Variants in GUCY1A2 observed in about 807,000 individuals in gnomAD.
GUCY1A2 encodes the protein guanylate cyclase soluble subunit alpha-2.
Under a neutral mutation model 63.5 loss-of-function variants are expected in GUCY1A2, and 27 were observed. The observed-to-expected ratio is 0.43, with a 90% CI of 0.31 to 0.59. GUCY1A2 has a LOEUF of 0.59. Ranked by LOEUF, GUCY1A2 falls within the 20% of genes least tolerant of loss-of-function variation. The pLI is 0.11. For synonymous variants in GUCY1A2, 364 were observed against 343.5 expected (o/e 1.06, Z -0.66); for missense variants, 768 against 913.3 (o/e 0.84, Z 2.05).
intron 4 of GUCY1A2, chr11:106,824,711 C>T (rs2135432472): frequency 1.7e-6 from 2 of 1,204,404 alleles, no homozygotes; most frequent in African/African-American, 1.5e-5. Flanking sequence ...CCAACTGATA[C>T]AGAAAGAATA....
chr11:106,823,617 G>A (rs926738075), intron 4 of GUCY1A2, among the ~76,000 whole-genome samples: 3 of 152,020 alleles, frequency 2.0e-5, no homozygotes, highest in Non-Finnish European at 4.4e-5. Context: ...GTCAAACAGT[G>A]GTTCTATTTT....
chr11:106,752,144 T>C (rs1231492722), intron 6 of GUCY1A2, among the ~76,000 whole-genome samples: 1 of 152,178 alleles, frequency 6.6e-6, no homozygotes, highest in African/African-American at 2.4e-5. Context: ...ATAGTGAGTG[T>C]TGGAGATGAC....
At chr11:106,996,330 A>C (rs1233194403) in intron 1 of GUCY1A2, among the ~76,000 whole-genome samples, 1 of 152,206 alleles carries the variant, frequency 6.6e-6, no homozygotes, top group Admixed American at 6.5e-5. Flanking sequence ...ACAGTGAGAA[A>C]GATTATCCCT....
intron 4 of GUCY1A2, among the ~76,000 whole-genome samples, chr11:106,843,646 C>T (rs1487894): frequency 0.91 from 138,204 of 151,896 alleles, 62,962 homozygotes; most frequent in East Asian, 1. Context: ...TCTTCAAACA[C>T]TTGGAAATTA....
chr11:106,695,143 C>T (rs1384406539), intron 7 of GUCY1A2, among the ~76,000 whole-genome samples: 2 of 152,140 alleles, frequency 1.3e-5, no homozygotes, highest in Non-Finnish European at 2.9e-5. Context: ...CAGGCATACA[C>T]TTACCACCTT....
intron 6 of GUCY1A2, among the ~76,000 whole-genome samples, chr11:106,741,278 T>C (rs183904931): frequency 1.1e-3 from 173 of 152,376 alleles, no homozygotes; most frequent in African/African-American, 4.0e-3. Flanking sequence ...GTCTGGTATG[T>C]AGTTTTTATT....
chr11:106,727,171 C>T lies in GUCY1A2; in HGVS notation c.1837-18505G>A, dbSNP rs1013864310. On this transcript the variant is annotated intron_variant, in intron 6 of 7. Transcript: ENST00000526355. Reference sequence around the variant, plus strand: ...GGAAAAAAGGAGTCCTTGATATCAACGCAAATCTGTTAGGACAGGAGCCAT... The same window carrying T: ...GGAAAAAAGGAGTCCTTGATATCAATGCAAATCTGTTAGGACAGGAGCCAT... 5.3e-5 allele frequency among the ~76,000 whole-genome samples: 8 copies of T among 152,224 alleles called. No homozygotes were observed. In the South Asian group the frequency reaches 6.2e-4, roughly 12 times the overall value.
At chr11:106,957,678 A>AT (rs1565343549) in intron 3 of GUCY1A2, among the ~76,000 whole-genome samples, 2 of 150,180 alleles carry the variant, frequency 1.3e-5, no homozygotes, top group Non-Finnish European at 3.0e-5. Context: ...ACATGCTTAG[A>AT]TTTTTTTTCC....
intron 4 of GUCY1A2, among the ~76,000 whole-genome samples, chr11:106,916,749 C>G (rs1211389601): frequency 2.8e-5 from 4 of 145,256 alleles, no homozygotes; most frequent in Non-Finnish European, 6.2e-5. Flanking sequence ...TTGGTTCAGT[C>G]CAGATATATC....
intron 7 of GUCY1A2, among the ~76,000 whole-genome samples, chr11:106,697,389 G>A (rs1365029026): frequency 6.6e-6 from 1 of 152,110 alleles, no homozygotes; most frequent in Non-Finnish European, 1.5e-5. Flanking sequence ...AGTTAAGACT[G>A]GTTTCAATTC....
intron 4 of GUCY1A2, among the ~76,000 whole-genome samples, chr11:106,872,489 A>G (rs1859693164): frequency 6.6e-6 from 1 of 152,180 alleles, no homozygotes; most frequent in Non-Finnish European, 1.5e-5. Context: ...TGGAACTTTA[A>G]TTCTGAAGAC....
chr11:106,945,736 G>A (rs575124020), intron 3 of GUCY1A2, among the ~76,000 whole-genome samples: 5 of 152,254 alleles, frequency 3.3e-5, no homozygotes, highest in South Asian at 4.1e-4. Context: ...AGGCCGAGGC[G>A]GGCAGATCAC....
At chr11:106,689,759 C>A (rs1200695000) in intron 7 of GUCY1A2, among the ~76,000 whole-genome samples, 1 of 151,854 alleles carries the variant, frequency 6.6e-6, no homozygotes, top group Non-Finnish European at 1.5e-5. Context: ...GGGAGGCTCA[C>A]AAGGTGGGCA....
At chr11:106,928,205 G>A (rs1398312121) in intron 4 of GUCY1A2, among the ~76,000 whole-genome samples, 1 of 152,132 alleles carries the variant, frequency 6.6e-6, no homozygotes, top group African/African-American at 2.4e-5. Context: ...TTCTACAGTG[G>A]ATGGAAGGAT....
intron 4 of GUCY1A2, among the ~76,000 whole-genome samples, chr11:106,880,182 G>A (rs1391458166): frequency 6.6e-6 from 1 of 152,024 alleles, no homozygotes; most frequent in African/African-American, 2.4e-5. Flanking sequence ...TAAGAAGAAT[G>A]TGTGTTCAGA....
intron 3 of GUCY1A2, among the ~76,000 whole-genome samples, chr11:106,947,252 A>G (rs1013215582): frequency 6.6e-6 from 1 of 152,044 alleles, no homozygotes; most frequent in Admixed American, 6.5e-5. Flanking sequence ...AGAAATCTAT[A>G]CAACTATAAT....
rs767302848 is a variant in GUCY1A2, at chr11:106,939,856, C to A, written c.810G>T (p.Gln270His). ...CAGAGCATAGCTTCTCATTTGCAAC[C>A]TGTTCCACTTCCACATCCAGCCGAT... Reference protein sequence around the residue: ...KIYRLDVEVEQVANEKLCSDV... With the variant: ...KIYRLDVEVEHVANEKLCSDV... The change falls in exon 4 of 8, where the codon CAG becomes CAT. Residue 270 changes from glutamine (Q) to histidine (H), a missense_variant. Physicochemically the swap from Gln to His is conservative, Grantham distance 24. This residue lies in a region of GUCY1A2 where 496 missense variants were observed against 486.9 expected (regional missense o/e 1.02). Transcript: ENST00000526355. The A allele has an allele frequency of 6.2e-7, 1 of 1,614,136 alleles. No individual in the cohort carries two copies. Among genetic ancestry groups the A allele is most frequent in the South Asian group, 1.1e-5 (1 of 91,088 alleles).
At chr11:106,748,445 T>G (rs934300652) in intron 6 of GUCY1A2, among the ~76,000 whole-genome samples, 27 of 152,198 alleles carry the variant, frequency 1.8e-4, no homozygotes, top group African/African-American at 6.3e-4. Flanking sequence ...TGAATTGGGA[T>G]AGCAGGAATC....
At chr11:107,017,075 T>C (rs1035338763) in intron 1 of GUCY1A2, among the ~76,000 whole-genome samples, 6 of 152,014 alleles carry the variant, frequency 3.9e-5, no homozygotes, top group Admixed American at 1.3e-4. Flanking sequence ...ACACCAGGTT[T>C]ACCCAGAGAA....
Sources: allele counts gnomAD v4.1 joint callset (sites outside exome capture counted in the v4.1 genomes callset), GRCh38; gene constraint gnomAD v4.1.1; regional missense constraint gnomAD v4.1.1; transcripts MANE v1.5; gene names NCBI Gene and HGNC (gene_info 2026-07-23, HGNC 2026-07-21).